SORCS2: variants seen among roughly 807,000 people sequenced by gnomAD.
SORCS2 encodes the protein VPS10 domain-containing receptor SorCS2.
In SORCS2, 100 loss-of-function variants were observed where a neutral mutation model predicts 141.6. The observed-to-expected ratio is 0.71, with a 90% confidence interval of 0.60 to 0.83. The LOEUF (loss-of-function observed/expected upper bound fraction) is 0.83. Among genes scored for constraint, SORCS2 ranks in the 40% least tolerant of loss-of-function variants. The probability of loss-of-function intolerance (pLI) is 0.00; values close to 1 mark genes in which losing one functional copy is unlikely to be tolerated. For synonymous variants in SORCS2, 789 were observed against 676.9 expected, an observed-to-expected ratio of 1.17 and a Z score of -2.57; for missense variants, 1,646 against 1,560.2, an observed-to-expected ratio of 1.05 and a Z score of -0.93.
chr4:7,193,613 A>G lies in SORCS2; in HGVS notation c.480+487A>G, dbSNP rs905676457. Among the ~76,000 whole-genome samples the G allele has an allele frequency of 2.0e-5, 3 of 152,154 alleles. No homozygotes were observed. The highest frequency in any genetic ancestry group is 7.2e-5 in the African/African-American group (3 of 41,438). On this transcript the variant is annotated intron_variant, in intron 1 of 26. Transcript: ENST00000507866. This position sits in a 1 kb window ranked among gnomAD's most constrained non-coding sequence, Gnocchi z 4.8. The stretch of plus-strand genomic sequence containing the variant: ...CGCAGGCTCCGGGACTTCCCCGGTC[A>G]GCTCGAATCCTGTTCTGGGACTCTG...
At chr4:7,677,914 A>T (rs1284548218) in intron 9 of SORCS2, among the ~76,000 whole-genome samples, 1 of 152,086 alleles carries the variant, frequency 6.6e-6, no homozygotes, top group Non-Finnish European at 1.5e-5. Flanking sequence ...GACTAGTTCC[A>T]GCACAGACCT....
intron 1 of SORCS2, among the ~76,000 whole-genome samples, chr4:7,227,362 C>G (rs1426422307): frequency 6.6e-6 from 1 of 152,228 alleles, no homozygotes; most frequent in Non-Finnish European, 1.5e-5. Context: ...CTCTGATCCT[C>G]TCTGCATTAA....
intron 2 of SORCS2, among the ~76,000 whole-genome samples, chr4:7,416,564 G>GCACA (rs58327073): frequency 6.6e-6 from 1 of 151,760 alleles, no homozygotes; most frequent in Admixed American, 6.6e-5. Flanking sequence ...ATGTGCACAT[G>GCACA]CACACACACA....
chr4:7,726,150 A>G (rs1481951868), intron 20 of SORCS2, among the ~76,000 whole-genome samples: 1 of 152,228 alleles, frequency 6.6e-6, no homozygotes, highest in Non-Finnish European at 1.5e-5. Context: ...GCTTGGTGCC[A>G]TGGATGACAG....
At chr4:7,707,517 G>C (rs971116793) in intron 14 of SORCS2, among the ~76,000 whole-genome samples, 2 of 152,202 alleles carry the variant, frequency 1.3e-5, no homozygotes, top group Non-Finnish European at 2.9e-5. Context: ...GCAACAGCGC[G>C]AATTCCTGCC....
At chr4:7,221,815 ATTAAG>A (rs1401394858) in intron 1 of SORCS2, among the ~76,000 whole-genome samples, 1 of 152,230 alleles carries the variant, frequency 6.6e-6, no homozygotes, top group Non-Finnish European at 1.5e-5. Flanking sequence ...GGAGAAAGAT[ATTAAG>A]TTAAGCATAT....
intron 2 of SORCS2, among the ~76,000 whole-genome samples, chr4:7,465,196 G>A (rs1729546050): frequency 6.6e-6 from 1 of 152,272 alleles, no homozygotes. Context: ...GCCCCGAGCA[G>A]GAGGCCTCTG....
At chr4:7,631,297 G>T (rs1719877257) in intron 3 of SORCS2, among the ~76,000 whole-genome samples, 1 of 151,438 alleles carries the variant, frequency 6.6e-6, no homozygotes, top group African/African-American at 2.4e-5. Flanking sequence ...GAGACCAGAT[G>T]GGATGCAGGT....
chr4:7,708,644 C>A (rs1725629406), intron 14 of SORCS2, among the ~76,000 whole-genome samples: 1 of 152,220 alleles, frequency 6.6e-6, no homozygotes, highest in African/African-American at 2.4e-5. Flanking sequence ...TCCGTCTTTA[C>A]CAATATGGCC....
intron 5 of SORCS2, among the ~76,000 whole-genome samples, chr4:7,659,613 G>A (rs762844888): frequency 2.0e-5 from 3 of 152,242 alleles, no homozygotes; most frequent in East Asian, 1.9e-4. Flanking sequence ...GACGAGTACT[G>A]CATAAATTCA....
At position 7,205,873 on chromosome 4, in the gene SORCS2, G is replaced by A. The variant is rs140872900; in HGVS notation, c.480+12747G>A. 6.7e-3 allele frequency among the ~76,000 whole-genome samples: 1,023 copies of A among 152,136 alleles called. 10 individuals are homozygous for A. Among genetic ancestry groups the A allele is most frequent in the African/African-American group, 0.023 (947 of 41,498 alleles). On this transcript the variant is annotated intron_variant, in intron 1 of 26. Transcript: ENST00000507866. Reference sequence around the variant, plus strand: ...AGTCTGGGCAACATGGTGAAACCCCGTCTCTACTAAAAATACAAAGAAATT... The same window carrying A: ...AGTCTGGGCAACATGGTGAAACCCCATCTCTACTAAAAATACAAAGAAATT...
intron 1 of SORCS2, among the ~76,000 whole-genome samples, chr4:7,252,172 C>A (rs975170367): frequency 6.6e-6 from 1 of 152,212 alleles, no homozygotes; most frequent in South Asian, 2.1e-4. Flanking sequence ...ATCTGGGGGG[C>A]CTCAGCACTT....
chr4:7,684,002 G>C (rs548327315), intron 10 of SORCS2, among the ~76,000 whole-genome samples: 3 of 152,268 alleles, frequency 2.0e-5, no homozygotes, highest in African/African-American at 4.8e-5. Context: ...GGATGCAAGG[G>C]AGGAAGAGGC....
chr4:7,534,713 G>A (rs538294597), intron 3 of SORCS2, among the ~76,000 whole-genome samples: 6 of 152,326 alleles, frequency 3.9e-5, no homozygotes, highest in East Asian at 1.9e-4. Flanking sequence ...GAAAGCAGGC[G>A]CCTCCGGAAA....
intron 17 of SORCS2, among the ~76,000 whole-genome samples, chr4:7,716,587 TACCCATCAATTCATCCACTATCC>T (rs1577110832): frequency 7.0e-6 from 1 of 143,352 alleles, no homozygotes; most frequent in East Asian, 2.0e-4. Flanking sequence ...TCCATCTATC[TACCCATCAATTCATCCACTATCC>T]ACCCACCCAT....
chr4:7,634,748 A>T (rs1720134575), intron 3 of SORCS2, among the ~76,000 whole-genome samples: 1 of 152,114 alleles, frequency 6.6e-6, no homozygotes, highest in Non-Finnish European at 1.5e-5. Flanking sequence ...TCCACCAGGG[A>T]GGGTCTGACA....
At chr4:7,690,580 A>G (rs57867692) in intron 11 of SORCS2, among the ~76,000 whole-genome samples, 104,222 of 151,548 alleles carry the variant, frequency 0.69, 36,153 homozygotes, top group East Asian at 0.92. Context: ...GTGGATAGGC[A>G]GATGGATAGG....
chr4:7,270,175 C>T (rs879749339), intron 1 of SORCS2, among the ~76,000 whole-genome samples: 1 of 152,240 alleles, frequency 6.6e-6, no homozygotes, highest in Non-Finnish European at 1.5e-5. Context: ...GCCACCGTGC[C>T]CATGATGTGG....
chr4:7,296,212 C>A (rs907601943), intron 1 of SORCS2, among the ~76,000 whole-genome samples: 1 of 152,210 alleles, frequency 6.6e-6, no homozygotes, highest in Non-Finnish European at 1.5e-5. Context: ...TCCTGGACAC[C>A]CATGAAAACA....
Sources: allele counts gnomAD v4.1 joint callset (sites outside exome capture counted in the v4.1 genomes callset), GRCh38; gene constraint gnomAD v4.1.1; non-coding constraint Gnocchi (gnomAD v3.1); transcripts MANE v1.5; gene names NCBI Gene and HGNC (gene_info 2026-07-23, HGNC 2026-07-21).